Variants in ARHGAP29 observed in about 807,000 individuals in gnomAD.
ARHGAP29 encodes the protein rho GTPase-activating protein 29.
In ARHGAP29, 43 loss-of-function variants were observed where a neutral mutation model predicts 122.6. That is an observed-to-expected ratio of 0.35 (90% CI 0.27 to 0.45). The LOEUF (loss-of-function observed/expected upper bound fraction) is 0.45, where lower values mean the gene tolerates loss of function less well. Ranked by LOEUF, ARHGAP29 falls within the 20% of genes least tolerant of loss-of-function variation. The pLI is 1.00. For synonymous variants in ARHGAP29, 506 were observed against 497.1 expected (o/e 1.02, Z -0.24); for missense variants, 1,303 against 1,477.2 (o/e 0.88, Z 1.93).
chr1:94,224,973 T>C (rs1652530946), intron 2 of ARHGAP29, among the ~76,000 whole-genome samples: 1 of 152,140 alleles, frequency 6.6e-6, no homozygotes, highest in Non-Finnish European at 1.5e-5. Flanking sequence ...AATACACTGC[T>C]GAAGCCCACA....
chr1:94,265,411 C>T (rs1654732054), intron 1 of ARHGAP29, among the ~76,000 whole-genome samples: 1 of 152,224 alleles, frequency 6.6e-6, no homozygotes, highest in Admixed American at 6.5e-5. Flanking sequence ...ATTTTAACCC[C>T]TCCAATTTCA....
chr1:94,250,344 G>A (rs553413848), intron 1 of ARHGAP29: 1 of 152,338 alleles, frequency 6.6e-6, no homozygotes, highest in Non-Finnish European at 1.5e-5. Flanking sequence ...TCTGAGCACA[G>A]GGGATATATC....
intron 1 of ARHGAP29, among the ~76,000 whole-genome samples, chr1:94,236,547 T>C (rs564075586): frequency 2.8e-4 from 42 of 152,186 alleles, no homozygotes; most frequent in East Asian, 1.7e-3. Context: ...GCAGGTAATA[T>C]CCTGCCCTCC....
rs745323357 is a variant in ARHGAP29 at position 94,190,015 on chromosome 1, G to A, written c.1350C>T (p.Leu450=). ...GGTCATAGAGTTTGGCACTATCACAGAGAGACTGTAAACTGTCTGCAAGGG... is the reference window on the plus strand; with the variant it reads ...GGTCATAGAGTTTGGCACTATCACAAAGAGACTGTAAACTGTCTGCAAGGG... ...AASLADSLQS[L]CDSAKLYDPG... The change falls in exon 13 of 23, where the codon CTC becomes CTT. Residue 450 remains leucine, a synonymous_variant. Transcript: ENST00000260526. 1 of 1,613,500 alleles carries A rather than the reference G, an allele frequency of 6.2e-7. No homozygotes were observed. The highest frequency in any genetic ancestry group is 1.1e-5 in the South Asian group (1 of 91,050).
chr1:94,280,011 T>TTTTCCCTGTGATACAGTAC (rs1553218305), upstream of ARHGAP29, among the ~76,000 whole-genome samples: 5 of 148,508 alleles, frequency 3.4e-5, no homozygotes, highest in Non-Finnish European at 7.4e-5. Flanking sequence ...CTGTACTTGT[T>TTTTCCCTGTGATACAGTAC]TTTTCCTGTG....
intron 12 of ARHGAP29, among the ~76,000 whole-genome samples, chr1:94,200,778 C>G (rs1650791931): frequency 6.6e-6 from 1 of 152,114 alleles, no homozygotes; most frequent in African/African-American, 2.4e-5. Flanking sequence ...ATAAACCAGT[C>G]AAAAGGTTAT....
chr1:94,199,225 G>C (rs1324271388), intron 12 of ARHGAP29, among the ~76,000 whole-genome samples: 2 of 151,830 alleles, frequency 1.3e-5, no homozygotes, highest in African/African-American at 4.8e-5. Flanking sequence ...ATGTATCCTA[G>C]AACTTAAAGC....
chr1:94,210,528 T>C (rs1651522111), intron 3 of ARHGAP29, among the ~76,000 whole-genome samples: 1 of 152,242 alleles, frequency 6.6e-6, no homozygotes, highest in African/African-American at 2.4e-5. Context: ...TTTATATGCA[T>C]AAGCCTCTGT....
At chr1:94,196,260 T>TTTTC (rs1557852189) in intron 12 of ARHGAP29, among the ~76,000 whole-genome samples, 1 of 102,968 alleles carries the variant, frequency 9.7e-6, no homozygotes, top group African/African-American at 3.7e-5. Context: ...GTTTTTCTTT[T>TTTTC]TTTTTTTTTT....
chr1:94,194,599 T>C (rs1220543862), intron 12 of ARHGAP29: 1 of 152,162 alleles, frequency 6.6e-6, no homozygotes, highest in Non-Finnish European at 1.5e-5. Flanking sequence ...TGTCCTCACA[T>C]GATAGAAGGG....
At chr1:94,231,011 A>C (rs1303982818) in intron 2 of ARHGAP29, among the ~76,000 whole-genome samples, 3 of 152,016 alleles carry the variant, frequency 2.0e-5, no homozygotes, top group Non-Finnish European at 2.9e-5. Flanking sequence ...TAAAATGTGG[A>C]AAGGTGAATT....
chr1:94,233,762 T>G (rs1653080218), intron 1 of ARHGAP29, among the ~76,000 whole-genome samples: 1 of 152,194 alleles, frequency 6.6e-6, no homozygotes, highest in East Asian at 1.9e-4. Context: ...GTTAAGTGTA[T>G]TATGTTTGTG....
At position 94,174,592 on chromosome 1, in the gene ARHGAP29, A is replaced by G. The variant is rs751168225; in HGVS notation, c.3063T>C (p.Pro1021=). Residue 1021 remains proline (P), a synonymous_variant, in exon 23 of 23, where the codon CCT becomes CCC. Transcript: ENST00000260526. ...GACTTGCAAGAAGTAGTCTATCTAC[A>G]GGCAAACTTACAGGTCTAATCTTGG... ...PRTKIRPVSL[P]VDRLLLASPP... 6 of 1,614,050 alleles carry G rather than the reference A, an allele frequency of 3.7e-6. No homozygotes were observed. The highest frequency in any genetic ancestry group is 4.2e-6 in the Non-Finnish European group (5 of 1,180,034).
intron 1 of ARHGAP29, among the ~76,000 whole-genome samples, chr1:94,271,448 A>C (rs1383878881): frequency 6.6e-6 from 1 of 152,176 alleles, no homozygotes; most frequent in Non-Finnish European, 1.5e-5. Flanking sequence ...TTTCTTTTTC[A>C]TTATTTGATA....
chr1:94,188,791 T>C (rs750375537), intron 15 of ARHGAP29, 46 bp downstream of exon 15: 5 of 1,469,650 alleles, frequency 3.4e-6, no homozygotes, highest in Admixed American at 1.8e-5. Flanking sequence ...AAAAAAGGAC[T>C]GATCTTTCAA....
At chr1:94,175,661 T>C (rs1213706817) in intron 22 of ARHGAP29, among the ~76,000 whole-genome samples, 1 of 152,160 alleles carries the variant, frequency 6.6e-6, no homozygotes, top group Non-Finnish European at 1.5e-5. Flanking sequence ...CACCTGGGAC[T>C]GCTGGCCTCT....
chr1:94,221,075 C>G (rs139644549), intron 2 of ARHGAP29, among the ~76,000 whole-genome samples: 16 of 152,242 alleles, frequency 1.1e-4, no homozygotes, highest in African/African-American at 3.9e-4. Flanking sequence ...CACTCATTTA[C>G]ATCATCCTAG....
At chr1:94,272,041 A>G (rs1655012563) in intron 1 of ARHGAP29, among the ~76,000 whole-genome samples, 1 of 152,174 alleles carries the variant, frequency 6.6e-6, no homozygotes, top group Non-Finnish European at 1.5e-5. Flanking sequence ...GGACCTGTTG[A>G]TAATCCCTCA....
At chr1:94,222,663 TAATA>T (rs1304869426) in intron 2 of ARHGAP29, among the ~76,000 whole-genome samples, 1 of 151,984 alleles carries the variant, frequency 6.6e-6, no homozygotes, top group Admixed American at 6.6e-5. Flanking sequence ...TCCTGGAAAA[TAATA>T]AAGAATATTA....
Sources: allele counts gnomAD v4.1 joint callset (sites outside exome capture counted in the v4.1 genomes callset), GRCh38; gene constraint gnomAD v4.1.1; transcripts MANE v1.5; gene names NCBI Gene and HGNC (gene_info 2026-07-23, HGNC 2026-07-21).